Variants in CTNNA3 observed in about 807,000 individuals in gnomAD.
CTNNA3 encodes catenin alpha 3.
A neutral mutation model predicts 95.7 loss-of-function variants in CTNNA3; 76 were observed. The ratio of observed to expected loss-of-function variants is 0.79; its 90% confidence interval spans 0.66 to 0.96. The LOEUF is 0.96. Among genes scored for constraint, CTNNA3 ranks in the 40% least tolerant of loss-of-function variants. The pLI is 0.00. For synonymous variants in CTNNA3, 431 were observed against 374.4 expected (o/e 1.15, Z -1.74); for missense variants, 1,191 against 1,089.8 (o/e 1.09, Z -1.31).
chr10:66,914,490 T>C lies in CTNNA3; in HGVS notation c.1048-138966A>G, dbSNP rs561725171. On this transcript the variant is annotated intron_variant, in intron 7 of 17. Coordinates refer to ENST00000433211, the MANE Select transcript of CTNNA3 (RefSeq NM_013266.4). ...CAACATGAAATGGGCCAACACGAAC[T>C]GGCTAAATTACCTCAGAAGAAGTAG... Among the ~76,000 whole-genome samples the C allele has an allele frequency of 7.4e-5, 11 of 148,316 alleles. No homozygotes were observed. In the South Asian group the frequency reaches 2.4e-3, roughly 32 times the overall value.
intron 13 of CTNNA3, among the ~76,000 whole-genome samples, chr10:66,253,915 G>A (rs2090658079): frequency 6.6e-6 from 1 of 152,140 alleles, no homozygotes; most frequent in African/African-American, 2.4e-5. Flanking sequence ...GAGGAAAAAA[G>A]AAGGATTTCA....
chr10:67,123,761 T>C (rs1008986066), intron 7 of CTNNA3, among the ~76,000 whole-genome samples: 3 of 152,160 alleles, frequency 2.0e-5, no homozygotes, highest in African/African-American at 7.2e-5. Flanking sequence ...AAATCAAAAA[T>C]TTTGGTCCTT....
intron 15 of CTNNA3, among the ~76,000 whole-genome samples, chr10:66,068,812 G>T (rs74140941): frequency 6.6e-6 from 1 of 152,152 alleles, no homozygotes; most frequent in African/African-American, 2.4e-5. Context: ...TATTACTTCT[G>T]CAATATGCCC....
intron 10 of CTNNA3, among the ~76,000 whole-genome samples, chr10:66,600,114 A>G (rs1031924366): frequency 2.0e-5 from 3 of 151,904 alleles, no homozygotes; most frequent in Admixed American, 2.0e-4. Context: ...CCTCAAATTT[A>G]TGTTGAACTC....
At chr10:66,624,380 T>A (rs867015425) in intron 9 of CTNNA3, among the ~76,000 whole-genome samples, 43 of 152,006 alleles carry the variant, frequency 2.8e-4, no homozygotes, top group Non-Finnish European at 7.4e-5. Context: ...ATTTAATCTA[T>A]CTCTCAACTA....
chr10:67,097,561 A>G, intron 7 of CTNNA3: 1 of 1,599,640 alleles, frequency 6.3e-7, no homozygotes, highest in South Asian at 1.1e-5. Flanking sequence ...TTTATAACTG[A>G]CTTTTCTCAT....
In CTNNA3 at chr10:66,064,811, C is replaced by T. The variant is rs139506650; in HGVS notation, c.2159+4497G>A. ...CTTTCACAAAGTAAGCTTATGCTTA[C>T]TTCCCTGCTTTTTGTTCAAATTTTG... On this transcript the variant is annotated intron_variant, in intron 15 of 17. Transcript: ENST00000433211. Among the ~76,000 whole-genome samples the T allele has an allele frequency of 1.2e-4, 18 of 152,336 alleles. 1 individual carries two copies. The East Asian group carries it at 3.3e-3, about 28-fold the overall frequency.
intron 11 of CTNNA3, among the ~76,000 whole-genome samples, chr10:66,420,142 A>G (rs1224667696): frequency 6.6e-6 from 1 of 152,188 alleles, no homozygotes; most frequent in African/African-American, 2.4e-5. Flanking sequence ...TGACAATGGA[A>G]TAATATCCAG....
intron 5 of CTNNA3, among the ~76,000 whole-genome samples, chr10:67,232,864 G>C (rs1240056756): frequency 6.6e-6 from 1 of 151,828 alleles, no homozygotes; most frequent in Non-Finnish European, 1.5e-5. Flanking sequence ...TGCAATCCTA[G>C]TCTCTGATAA....
intron 7 of CTNNA3, among the ~76,000 whole-genome samples, chr10:67,123,365 C>T (rs1207861682): frequency 6.6e-6 from 1 of 152,094 alleles, no homozygotes; most frequent in Non-Finnish European, 1.5e-5. Context: ...TAATTCATGC[C>T]AACTAAATAG....
chr10:66,603,276 G>A (rs1212660982), intron 10 of CTNNA3, among the ~76,000 whole-genome samples: 2 of 152,034 alleles, frequency 1.3e-5, no homozygotes, highest in Admixed American at 1.3e-4. Context: ...AAAATTAATA[G>A]TGTGTCTGCA....
Position 67,502,283 on chromosome 10 carries a change from G to A in CTNNA3, c.579+19559C>T, listed in dbSNP as rs1839258704. On this transcript the variant is annotated intron_variant, in intron 5 of 17. Transcript: ENST00000433211. Reference sequence around the variant, plus strand: ...GGTCCACTCCAGACCCTGTTTGCCTGGGAATCACCAGCGGAGGCTGCAGAA... The same window carrying A: ...GGTCCACTCCAGACCCTGTTTGCCTAGGAATCACCAGCGGAGGCTGCAGAA... Among the ~76,000 whole-genome samples the A allele has an allele frequency of 3.3e-5, 5 of 152,144 alleles. No individual in the cohort carries two copies. In the South Asian group the frequency reaches 1.0e-3, roughly 31 times the overall value.
intron 11 of CTNNA3, among the ~76,000 whole-genome samples, chr10:66,428,270 A>G (rs2093261483): frequency 1.3e-5 from 2 of 152,188 alleles, no homozygotes. Flanking sequence ...TTAGTGACCT[A>G]CAAAGAGACT....
chr10:65,978,295 T>C (rs2078247188), intron 16 of CTNNA3, among the ~76,000 whole-genome samples: 1 of 152,202 alleles, frequency 6.6e-6, no homozygotes, highest in African/African-American at 2.4e-5. Flanking sequence ...TTATATATGT[T>C]GCAGTTCCTC....
intron 12 of CTNNA3, among the ~76,000 whole-genome samples, chr10:66,354,770 G>A (rs568473625): frequency 6.6e-6 from 1 of 152,020 alleles, no homozygotes; most frequent in East Asian, 1.9e-4. Context: ...CTCTCTTCCC[G>A]AACTAACTGT....
In CTNNA3 at chr10:67,575,073, C is replaced by G. The variant is rs372025569; in HGVS notation, c.292+31784G>C. ...TCTCCAAGGACCCAATGTCACAACCCCTGGGCCACTCAGAGGGGAATGATT... is the reference window on the plus strand; with the variant it reads ...TCTCCAAGGACCCAATGTCACAACCGCTGGGCCACTCAGAGGGGAATGATT... On this transcript the variant is annotated intron_variant, in intron 3 of 17. Coordinates refer to ENST00000433211, the MANE Select transcript of CTNNA3 (RefSeq NM_013266.4). Among the ~76,000 whole-genome samples the G allele has an allele frequency of 5.9e-5, 9 of 152,154 alleles. 1 individual carries two copies. The East Asian group carries it at 1.2e-3, about 20-fold the overall frequency.
intron 13 of CTNNA3, among the ~76,000 whole-genome samples, chr10:66,241,562 C>T (rs904874913): frequency 3.9e-5 from 6 of 151,908 alleles, no homozygotes; most frequent in Non-Finnish European, 7.4e-5. Context: ...TAATCAAAAG[C>T]CATTAGATTC....
chr10:66,030,258 G>T (rs1483049973), intron 15 of CTNNA3, among the ~76,000 whole-genome samples: 1 of 152,128 alleles, frequency 6.6e-6, no homozygotes, highest in Non-Finnish European at 1.5e-5. Context: ...AGCCTGAATA[G>T]CCAAAGCAAT....
At chr10:67,030,898 G>C (rs1036693919) in intron 7 of CTNNA3, among the ~76,000 whole-genome samples, 1 of 152,168 alleles carries the variant, frequency 6.6e-6, no homozygotes, top group African/African-American at 2.4e-5. Flanking sequence ...CAGCTACTCA[G>C]GTGGTTGAGG....
Sources: allele counts gnomAD v4.1 joint callset (sites outside exome capture counted in the v4.1 genomes callset), GRCh38; gene constraint gnomAD v4.1.1; transcripts MANE v1.5; gene names NCBI Gene and HGNC (gene_info 2026-07-23, HGNC 2026-07-21).